Variants in ATG4A observed in about 807,000 individuals in gnomAD.
ATG4A encodes autophagy related 4A cysteine peptidase.
In ATG4A, 22 loss-of-function variants were observed where a neutral mutation model predicts 38.4. The ratio of observed to expected loss-of-function variants is 0.57; its 90% CI spans 0.41 to 0.82. The LOEUF (loss-of-function observed/expected upper bound fraction) is 0.82. Ranked by LOEUF, ATG4A falls within the 40% of genes least tolerant of loss-of-function variation. The pLI is 0.00. For missense variants in ATG4A, 220 were observed against 290.0 expected, an observed-to-expected ratio of 0.76 and a Z score of 1.75; for synonymous variants, 86 against 100.7, an observed-to-expected ratio of 0.85 and a Z score of 0.88.
intron 6 of ATG4A, among the ~76,000 whole-genome samples, 172 bp downstream of exon 6, chrX:108,134,583 G>T (rs969663536): frequency 1.8e-5 from 2 of 112,192 alleles, no homozygotes; most frequent in African/African-American, 3.2e-5. Flanking sequence ...AAATGTGTAA[G>T]CATGGATATC....
chrX:108,122,427 G>T (rs1273212076), intron 1 of ATG4A, among the ~76,000 whole-genome samples: 1 of 111,687 alleles, frequency 9.0e-6, no homozygotes, highest in Non-Finnish European at 1.9e-5. Context: ...ATTTACTCAA[G>T]AAAAATGGCT....
At chrX:108,131,591 C>T (rs1372658299) in intron 4 of ATG4A, among the ~76,000 whole-genome samples, 1 of 111,993 alleles carries the variant, frequency 8.9e-6, no homozygotes, top group African/African-American at 3.2e-5. Flanking sequence ...TTTCCTGGGA[C>T]AGAACTGAAC....
At chrX:108,144,930 T>G (rs1054576648) in intron 9 of ATG4A, among the ~76,000 whole-genome samples, 4 of 112,159 alleles carry the variant, frequency 3.6e-5, no homozygotes, top group Non-Finnish European at 5.6e-5. Flanking sequence ...AAGATTTCCC[T>G]TCAATGGGTC....
chrX:108,089,421 G>A (rs906709855), upstream of ATG4A, among the ~76,000 whole-genome samples: 10 of 111,786 alleles, frequency 8.9e-5, no homozygotes, highest in African/African-American at 3.3e-4. Context: ...AATCTAATGG[G>A]GGAAGAAATG....
intron 1 of ATG4A, among the ~76,000 whole-genome samples, chrX:108,096,315 T>C (rs763893516): frequency 1.8e-5 from 2 of 112,647 alleles, no homozygotes; most frequent in African/African-American, 6.4e-5. Flanking sequence ...CTAACAGTGT[T>C]TGAAGGTGGT....
chrX:108,133,440 A>G (rs1206971931), intron 4 of ATG4A, among the ~76,000 whole-genome samples: 1 of 112,599 alleles, frequency 8.9e-6, no homozygotes, highest in Non-Finnish European at 1.9e-5. Context: ...GTCTTAGGGA[A>G]ACATTGAACA....
chrX:108,142,984 T>A (rs1055937984), intron 9 of ATG4A, among the ~76,000 whole-genome samples: 1 of 111,672 alleles, frequency 9.0e-6, no homozygotes, highest in Non-Finnish European at 1.9e-5. Flanking sequence ...AAGACAATAA[T>A]AAGGTCATAA....
At chrX:108,151,165 A>G (rs1364549981) in intron 10 of ATG4A, among the ~76,000 whole-genome samples, 1 of 111,881 alleles carries the variant, frequency 8.9e-6, no homozygotes, top group Non-Finnish European at 1.9e-5. Flanking sequence ...TTCCCCCAGA[A>G]GTATGGCTGG....
At chrX:108,140,721 A>G (rs902246314) in intron 9 of ATG4A, among the ~76,000 whole-genome samples, 5 of 101,678 alleles carry the variant, frequency 4.9e-5, no homozygotes, top group African/African-American at 1.4e-4. Context: ...CATTGTATAT[A>G]TAAATAAATG....
intron 1 of ATG4A, among the ~76,000 whole-genome samples, chrX:108,105,442 CCT>C (rs1293723724): frequency 9.0e-6 from 1 of 110,844 alleles, no homozygotes; most frequent in Non-Finnish European, 1.9e-5. Context: ...CAGTAAGCCT[CCT>C]CTCTCTCTTT....
chrX:108,133,362 T>C (rs1247376749), intron 4 of ATG4A, among the ~76,000 whole-genome samples: 1 of 112,548 alleles, frequency 8.9e-6, no homozygotes, highest in East Asian at 2.8e-4. Context: ...GAATGGCCTC[T>C]GTAGGATTTA....
chrX:108,149,427 G>A (rs2033524684), intron 9 of ATG4A, among the ~76,000 whole-genome samples: 1 of 112,663 alleles, frequency 8.9e-6, no homozygotes, highest in African/African-American at 3.2e-5. Context: ...TTATTTTGGG[G>A]CTAGACTTTT....
Position 108,153,670 on chromosome X carries a change from G to T in ATG4A, c.1155G>T (p.Glu385Asp), listed in dbSNP as rs764640739. 4.2e-5 allele frequency: 51 copies of T among 1,207,819 alleles called. No homozygotes were observed. The highest frequency in any genetic ancestry group is 1.1e-4 in the Admixed American group (5 of 45,689). The change falls in exon 13 of 13, where the codon GAG becomes GAT. Residue 385 changes from glutamate to aspartate, a missense_variant. Glu to Asp is a conservative substitution (Grantham distance 45). Transcript: ENST00000372232. The part of the protein sequence containing the change: ...AEFIDSTEQL[E>D]EFDLEEDFEI... Reference sequence around the variant, plus strand: ...TCATTGACTCTACTGAGCAACTGGAGGAGTTTGATCTGGAGGAAGATTTTG... The same window carrying T: ...TCATTGACTCTACTGAGCAACTGGATGAGTTTGATCTGGAGGAAGATTTTG...
intron 1 of ATG4A, among the ~76,000 whole-genome samples, chrX:108,094,408 A>G (rs936893463): frequency 9.2e-6 from 1 of 109,109 alleles, no homozygotes; most frequent in African/African-American, 3.3e-5. Context: ...ACTATACCCC[A>G]TGCTTTTTTT....
chrX:108,146,242 A>G (rs775184207), intron 9 of ATG4A, among the ~76,000 whole-genome samples: 3 of 112,015 alleles, frequency 2.7e-5, no homozygotes, highest in Non-Finnish European at 5.6e-5. Flanking sequence ...TGTTTCTGTA[A>G]TTCAAATTAG....
chrX:108,132,070 T>C (rs755311652), intron 4 of ATG4A, among the ~76,000 whole-genome samples: 1 of 111,531 alleles, frequency 9.0e-6, no homozygotes, highest in African/African-American at 3.3e-5. Context: ...GGCTGATTTT[T>C]GAATTTTTAG....
intron 9 of ATG4A, among the ~76,000 whole-genome samples, chrX:108,141,060 GTA>G (rs1569311688): frequency 3.3e-5 from 1 of 30,024 alleles, no homozygotes; most frequent in Non-Finnish European, 5.7e-5. Flanking sequence ...ATATATACGT[GTA>G]TATATATACA....
chrX:108,104,945 C>A (rs1390438410), intron 1 of ATG4A, among the ~76,000 whole-genome samples: 1 of 95,971 alleles, frequency 1.0e-5, no homozygotes, highest in African/African-American at 3.9e-5. Context: ...TTTTTCAGTT[C>A]AGCTGTTATA....
chrX:108,152,699 G>A (rs2033619130), intron 11 of ATG4A, among the ~76,000 whole-genome samples: 1 of 111,973 alleles, frequency 8.9e-6, no homozygotes. Context: ...CTGGACCCAT[G>A]CGTCTGGCAC....
Sources: allele counts gnomAD v4.1 joint callset (sites outside exome capture counted in the v4.1 genomes callset), GRCh38; gene constraint gnomAD v4.1.1; transcripts MANE v1.5; gene names NCBI Gene and HGNC (gene_info 2026-07-23, HGNC 2026-07-21).